Variants in NFIB observed in about 807,000 individuals in gnomAD.
NFIB encodes the protein nuclear factor 1 B-type.
Under a neutral mutation model 61.5 loss-of-function variants are expected in NFIB, and 11 were observed. The ratio of observed to expected loss-of-function variants is 0.18; its 90% CI spans 0.11 to 0.30. The LOEUF is 0.30. Among genes scored for constraint, NFIB ranks in the 10% least tolerant of loss-of-function variants. The pLI, the probability that NFIB is intolerant of heterozygous loss-of-function variation, is 1.00. For missense variants in NFIB, 471 were observed against 608.9 expected (o/e 0.77, Z 2.38); for synonymous variants, 260 against 216.5 (o/e 1.20, Z -1.76).
intron 9 of NFIB, among the ~76,000 whole-genome samples, chr9:14,115,058 C>T (rs995226505): frequency 6.6e-6 from 1 of 151,994 alleles, no homozygotes; most frequent in Non-Finnish European, 1.5e-5. Context: ...GTATTACAAG[C>T]CTATAGGAAC....
intron 1 of NFIB, among the ~76,000 whole-genome samples, chr9:14,388,617 A>C (rs930625291): frequency 6.6e-6 from 1 of 152,200 alleles, no homozygotes; most frequent in Non-Finnish European, 1.5e-5. Context: ...CTATATACCT[A>C]CATAGTAAAC....
At chr9:14,328,024 T>G (rs1214691582) in intron 1 of NFIB, among the ~76,000 whole-genome samples, 2 of 152,224 alleles carry the variant, frequency 1.3e-5, no homozygotes, top group Non-Finnish European at 2.9e-5. Flanking sequence ...ACCAACTTTT[T>G]GTTCGAGGAT....
intron 1 of NFIB, among the ~76,000 whole-genome samples, chr9:14,327,851 T>G (rs2060773941): frequency 6.6e-6 from 1 of 152,160 alleles, no homozygotes; most frequent in Non-Finnish European, 1.5e-5. Context: ...CTATAATATA[T>G]TCAAAAGTCA....
intron 1 of NFIB, among the ~76,000 whole-genome samples, chr9:14,373,176 A>G (rs2061378573): frequency 6.6e-6 from 1 of 152,228 alleles, no homozygotes; most frequent in East Asian, 1.9e-4. Flanking sequence ...ACCTTGAATA[A>G]GAGGACAGAT....
At chr9:14,156,614 G>A (rs908044186) in intron 3 of NFIB, among the ~76,000 whole-genome samples, 5 of 152,222 alleles carry the variant, frequency 3.3e-5, no homozygotes, top group East Asian at 1.9e-4. Context: ...AAGTCACACC[G>A]GGGCAGGGTC....
intron 1 of NFIB, among the ~76,000 whole-genome samples, chr9:14,394,855 G>C (rs1307251362): frequency 6.6e-6 from 1 of 152,126 alleles, no homozygotes; most frequent in Non-Finnish European, 1.5e-5. Flanking sequence ...TGCAGTCCTT[G>C]TTTAAAAGTT....
chr9:14,351,064 A>C (rs111621025), intron 1 of NFIB, among the ~76,000 whole-genome samples: 5 of 152,314 alleles, frequency 3.3e-5, no homozygotes, highest in South Asian at 2.1e-4. Context: ...TGTGTGTTCC[A>C]GGAACAAATC....
At chr9:14,315,887 C>T (rs1030292311), upstream of NFIB, among the ~76,000 whole-genome samples, 1 of 151,678 alleles carries the variant, frequency 6.6e-6, no homozygotes, top group African/African-American at 2.4e-5. Flanking sequence ...ATCCGGGGGG[C>T]GCTGGGGCTA....
chr9:14,205,951 A>G (rs980959683), intron 2 of NFIB, among the ~76,000 whole-genome samples: 3 of 152,032 alleles, frequency 2.0e-5, no homozygotes, highest in African/African-American at 7.3e-5. Context: ...ACACACACAC[A>G]CACACTTTTC....
chr9:14,097,051 ATGT>A (rs1224090485), intron 10 of NFIB, among the ~76,000 whole-genome samples: 2 of 152,206 alleles, frequency 1.3e-5, no homozygotes, highest in South Asian at 4.1e-4. Context: ...CAGACCACAG[ATGT>A]TGTGCGTCCG....
At chr9:14,413,639 G>A in the NFIB span, among the ~76,000 whole-genome samples, 1 of 152,138 alleles carries the variant, frequency 6.6e-6, no homozygotes, top group Non-Finnish European at 1.5e-5. Flanking sequence ...GCTGCAAATA[G>A]AATTTGGGAA....
the NFIB span, among the ~76,000 whole-genome samples, chr9:14,451,749 A>G: frequency 6.6e-6 from 1 of 152,186 alleles, no homozygotes; most frequent in Admixed American, 6.5e-5. Flanking sequence ...ACTTGTCCTA[A>G]TGGGAATATT....
the NFIB span, among the ~76,000 whole-genome samples, chr9:14,475,534 T>A: frequency 2.0e-5 from 3 of 152,140 alleles, no homozygotes; most frequent in African/African-American, 7.2e-5. Context: ...GCCCACTGCT[T>A]CCTGTCCTTC....
intron 1 of NFIB, among the ~76,000 whole-genome samples, chr9:14,393,267 C>T (rs191878238): frequency 1.4e-3 from 206 of 152,280 alleles, no homozygotes; most frequent in African/African-American, 4.7e-3. Context: ...ATCTTTGTCA[C>T]ACTGCAACAT....
At chr9:14,517,194 C>T in the NFIB span, among the ~76,000 whole-genome samples, 1 of 152,214 alleles carries the variant, frequency 6.6e-6, no homozygotes, top group Admixed American at 6.5e-5. Flanking sequence ...GTAATCATCA[C>T]TCCAAGGCCC....
chr9:14,432,334 T>C, the NFIB span, among the ~76,000 whole-genome samples: 2 of 152,230 alleles, frequency 1.3e-5, no homozygotes, highest in Non-Finnish European at 1.5e-5. Flanking sequence ...GAGATGGAGA[T>C]AGTTGGTTCT....
chr9:14,501,396 C>T, the NFIB span, among the ~76,000 whole-genome samples: 2 of 152,250 alleles, frequency 1.3e-5, no homozygotes, highest in South Asian at 4.1e-4. Flanking sequence ...CTTCCTTAAT[C>T]TTAGTATTTT....
chr9:14,342,651 G>A (rs1034953155), intron 1 of NFIB, among the ~76,000 whole-genome samples: 6 of 152,150 alleles, frequency 3.9e-5, no homozygotes, highest in Middle Eastern at 3.4e-3. Flanking sequence ...AAGGTGTAGC[G>A]GGCTACACAT....
chr9:14,421,364 G>C, the NFIB span, among the ~76,000 whole-genome samples: 2 of 152,202 alleles, frequency 1.3e-5, no homozygotes, highest in South Asian at 2.1e-4. Context: ...GGGCATGGTA[G>C]AGAAAGTCTG....
Sources: gnomAD v4.1 joint callset for allele counts (sites outside exome capture counted in the v4.1 genomes callset) on GRCh38, gnomAD v4.1.1 for gene constraint, MANE v1.5 for transcripts, NCBI Gene and HGNC (gene_info 2026-07-23, HGNC 2026-07-21) for gene names.